Variants in B4GALT6 observed in about 807,000 individuals in gnomAD.
B4GALT6 encodes UDP-Gal:beta-GlcNAc beta-1,4-galactosyltransferase 6.
A neutral mutation model predicts 46.3 loss-of-function variants in B4GALT6; 14 were observed. The observed-to-expected ratio is 0.30, with a 90% CI of 0.20 to 0.47. The LOEUF is 0.47. B4GALT6 is among the 20% of genes least tolerant of loss of function. The probability of loss-of-function intolerance (pLI) is 0.99; values close to 1 mark genes in which losing one functional copy is unlikely to be tolerated. For missense variants in B4GALT6, 386 were observed against 480.1 expected, an observed-to-expected ratio of 0.80 and a Z score of 1.83; for synonymous variants, 168 against 162.0, an observed-to-expected ratio of 1.04 and a Z score of -0.28.
At position 31,658,063 on chromosome 18, in the gene B4GALT6, C is replaced by T. The variant is rs758178797; in HGVS notation, c.259G>A (p.Asp87Asn). 5.0e-6 allele frequency: 8 copies of T among 1,609,942 alleles called. No individual in the cohort carries two copies. The African/African-American group carries it at 5.4e-5, about 11-fold the overall frequency. The change falls in exon 3 of 9, where the codon GAT (aspartate) becomes AAT (asparagine). Residue 87 changes from aspartate (D) to asparagine (N), a missense_variant. Around this residue, in one of 2 missense-constraint regions of B4GALT6, gnomAD observed 323 missense variants for 438.9 expected, o/e 0.74. Transcript: ENST00000306851. ...TDYPEGNNSS[D>N]YLVQTTTYLP... ...TACGTTGTTGTTTGAACAAGATAAT[C>T]ACTTGAATTATTGCCTTCGGGATAA... is the stretch of plus-strand genomic sequence containing the variant.
chr18:31,682,426 C>A (rs1410589458), intron 1 of B4GALT6, among the ~76,000 whole-genome samples: 1 of 152,096 alleles, frequency 6.6e-6, no homozygotes, highest in African/African-American at 2.4e-5. Flanking sequence ...ATTTATAAGA[C>A]CTACAAAAAC....
the B4GALT6 span, among the ~76,000 whole-genome samples, chr18:31,699,542 G>A: frequency 6.6e-6 from 1 of 151,288 alleles, no homozygotes; most frequent in Admixed American, 6.6e-5. Flanking sequence ...CCAAAGTGCT[G>A]GGATTACAGG....
chr18:31,679,447 G>C (rs1402844427), intron 1 of B4GALT6, among the ~76,000 whole-genome samples: 2 of 152,208 alleles, frequency 1.3e-5, no homozygotes, highest in African/African-American at 4.8e-5. Context: ...TGGACCCAAT[G>C]ACTCTTGTAA....
intron 2 of B4GALT6, among the ~76,000 whole-genome samples, chr18:31,665,203 C>T (rs1422426538): frequency 6.6e-6 from 1 of 152,180 alleles, no homozygotes; most frequent in Admixed American, 6.5e-5. Context: ...TTATTTTTAA[C>T]TGTTCAAAAT....
chr18:31,705,005 C>A, the B4GALT6 span, among the ~76,000 whole-genome samples: 4 of 152,154 alleles, frequency 2.6e-5, no homozygotes, highest in African/African-American at 7.2e-5. Flanking sequence ...ATCACAGACA[C>A]AATATAATGC....
At chr18:31,628,334 C>A (rs1317973089) in intron 6 of B4GALT6, among the ~76,000 whole-genome samples, 3 of 152,168 alleles carry the variant, frequency 2.0e-5, no homozygotes, top group African/African-American at 7.2e-5. Context: ...CTTCCCACAT[C>A]AGATGGATTA....
In B4GALT6 at chr18:31,623,736, A is replaced by G. The variant is rs944281339; in HGVS notation, c.*1878T>C. 1 of 152,018 alleles carries G rather than the reference A, an allele frequency of 6.6e-6. No individual in the cohort carries two copies. Among genetic ancestry groups the G allele is most frequent in the African/African-American group, 2.4e-5 (1 of 41,434 alleles). The allele number at this position is 152,018 out of a possible 1,614,324, so 9.4% of individuals were successfully genotyped here. On this transcript the variant is annotated 3_prime_UTR_variant, in exon 9 of 9. Transcript: ENST00000306851. ...ATATGAAAATATTTTGTTTGGTATCATAACACAGAAGCTATCCATTTTCTC... is the reference window on the plus strand; with the variant it reads ...ATATGAAAATATTTTGTTTGGTATCGTAACACAGAAGCTATCCATTTTCTC...
chr18:31,717,081 C>T, the B4GALT6 span, among the ~76,000 whole-genome samples: 22 of 151,406 alleles, frequency 1.5e-4, no homozygotes, highest in Admixed American at 3.3e-4. Flanking sequence ...CCAGCCTGGA[C>T]GACAGAGTGA....
chr18:31,630,016 GAGA>G (rs1426957911), intron 6 of B4GALT6, among the ~76,000 whole-genome samples: 2 of 141,316 alleles, frequency 1.4e-5, no homozygotes, highest in East Asian at 2.2e-4. Context: ...GGATGAGGTG[GAGA>G]AGGAGAAGCA....
intron 1 of B4GALT6, among the ~76,000 whole-genome samples, chr18:31,676,097 T>C (rs1407003949): frequency 2.0e-5 from 3 of 152,172 alleles, no homozygotes; most frequent in Non-Finnish European, 2.9e-5. Context: ...TTGATTCAAA[T>C]GAAAATAATG....
chr18:31,667,657 A>T (rs2074297527), intron 1 of B4GALT6, among the ~76,000 whole-genome samples: 1 of 152,212 alleles, frequency 6.6e-6, no homozygotes, highest in African/African-American at 2.4e-5. Context: ...GACAAACAGA[A>T]ATCCAGGTTT....
upstream of B4GALT6, among the ~76,000 whole-genome samples, chr18:31,684,881 C>T (rs888625281): frequency 1.3e-4 from 19 of 150,558 alleles, no homozygotes; most frequent in African/African-American, 4.4e-4. Flanking sequence ...GGGGTCCCGC[C>T]GCGAAGCCCC....
chr18:31,642,748 G>A (rs1414006832), intron 4 of B4GALT6, among the ~76,000 whole-genome samples: 3 of 152,152 alleles, frequency 2.0e-5, no homozygotes, highest in Admixed American at 6.5e-5. Context: ...CAGTGGGCGC[G>A]ATCTTGGCTC....
chr18:31,650,090 C>CT (rs2144606330), intron 3 of B4GALT6, among the ~76,000 whole-genome samples: 1 of 152,318 alleles, frequency 6.6e-6, no homozygotes, highest in East Asian at 1.9e-4. Context: ...ATTAAAGCCT[C>CT]TTTCTCTTTC....
At chr18:31,706,012 T>A in the B4GALT6 span, among the ~76,000 whole-genome samples, 12 of 152,332 alleles carry the variant, frequency 7.9e-5, no homozygotes, top group East Asian at 2.3e-3. Context: ...AGAATCATGC[T>A]TTTAGCTTTT....
At chr18:31,724,374 G>A in the B4GALT6 span, 1 of 1,070,776 alleles carries the variant, frequency 9.3e-7, no homozygotes, top group Non-Finnish European at 1.2e-6. Context: ...CGCTCCAGCT[G>A]ACCTCTGACT....
chr18:31,671,229 T>C (rs1031014520), intron 1 of B4GALT6, among the ~76,000 whole-genome samples: 4 of 152,182 alleles, frequency 2.6e-5, no homozygotes, highest in African/African-American at 4.8e-5. Context: ...GTCTTTATCA[T>C]AGAATGATTT....
chr18:31,638,159 T>A (rs2073884231), intron 5 of B4GALT6, among the ~76,000 whole-genome samples: 1 of 152,176 alleles, frequency 6.6e-6, no homozygotes, highest in Non-Finnish European at 1.5e-5. Context: ...GCTGATTAAG[T>A]CATTTGACCA....
At position 31,655,625 on chromosome 18, in the gene B4GALT6, C is replaced by A. The variant is rs542848418; in HGVS notation, c.346+2351G>T. 2.6e-5 allele frequency among the ~76,000 whole-genome samples: 4 copies of A among 152,178 alleles called. No homozygotes were observed. In the East Asian group the frequency reaches 5.8e-4, roughly 22 times the overall value. ...TTTGAAATAGAGTTTAATTAGTACT[C>A]ATAAAGCACTAATTAAAGAAAATGG... is the stretch of plus-strand genomic sequence containing the variant. On this transcript the variant is annotated intron_variant, in intron 3 of 8. Coordinates refer to ENST00000306851, the MANE Select transcript of B4GALT6 (RefSeq NM_004775.5).
Sources: gnomAD v4.1 joint callset for allele counts (sites outside exome capture counted in the v4.1 genomes callset) on GRCh38, gnomAD v4.1.1 for gene constraint, gnomAD v4.1.1 regional missense constraint, MANE v1.5 for transcripts, NCBI Gene and HGNC (gene_info 2026-07-23, HGNC 2026-07-21) for gene names.